Variants in ABHD17C observed in about 807,000 individuals in gnomAD.
ABHD17C encodes abhydrolase domain containing 17C, depalmitoylase, also known as alpha/beta hydrolase domain-containing protein 17C.
ABHD17C carries 11 observed loss-of-function variants against 27.9 expected under a neutral mutation model. That is an observed-to-expected ratio of 0.39 (90% CI 0.25 to 0.65). The LOEUF (loss-of-function observed/expected upper bound fraction) is 0.65, where lower values mean the gene tolerates loss of function less well. ABHD17C is among the 30% of genes least tolerant of loss of function. The pLI, the probability that ABHD17C is intolerant of heterozygous loss-of-function variation, is 0.45. For missense variants in ABHD17C, 280 were observed against 470.2 expected (o/e 0.60, Z 3.74); for synonymous variants, 233 against 209.1 (o/e 1.11, Z -0.98).
chr15:80,696,148 C>A, intron 1 of ABHD17C, 129 bp downstream of exon 1: 1 of 976,962 alleles, frequency 1.0e-6, no homozygotes, highest in Non-Finnish European at 1.5e-6. Context: ...AGCGGAGAGC[C>A]CCTTGGCCGC....
intron 1 of ABHD17C, among the ~76,000 whole-genome samples, chr15:80,737,686 G>A (rs978455599): frequency 3.9e-5 from 6 of 152,196 alleles, no homozygotes; most frequent in Admixed American, 2.0e-4. Flanking sequence ...TCTGTAGACT[G>A]GAGGAGTCAA....
intron 1 of ABHD17C, among the ~76,000 whole-genome samples, chr15:80,707,555 C>A (rs892349146): frequency 6.7e-6 from 1 of 150,316 alleles, no homozygotes; most frequent in African/African-American, 2.5e-5. Context: ...CTAGCAATAG[C>A]TGATGAGCCC....
chr15:80,723,653 G>A (rs970437915), intron 1 of ABHD17C, among the ~76,000 whole-genome samples: 1 of 152,210 alleles, frequency 6.6e-6, no homozygotes, highest in African/African-American at 2.4e-5. Flanking sequence ...ATTAGGTCAA[G>A]CGGATGTTTG....
chr15:80,736,286 G>C (rs1360595683), intron 1 of ABHD17C, among the ~76,000 whole-genome samples: 1 of 152,070 alleles, frequency 6.6e-6, no homozygotes, highest in East Asian at 1.9e-4. Context: ...TTTTTTGACA[G>C]TTCCTCAAAA....
chr15:80,701,177 G>A (rs1250378528), intron 1 of ABHD17C, among the ~76,000 whole-genome samples: 1 of 152,114 alleles, frequency 6.6e-6, no homozygotes, highest in Non-Finnish European at 1.5e-5. Flanking sequence ...TGGGACCCTT[G>A]AAAAACACCT....
chr15:80,711,945 G>A (rs1313884857), intron 1 of ABHD17C, among the ~76,000 whole-genome samples: 1 of 152,164 alleles, frequency 6.6e-6, no homozygotes, highest in Non-Finnish European at 1.5e-5. Flanking sequence ...ATTTATGAAG[G>A]AAGAAAAATG....
At chr15:80,701,505 C>A (rs951586308) in intron 1 of ABHD17C, among the ~76,000 whole-genome samples, 2 of 151,664 alleles carry the variant, frequency 1.3e-5, no homozygotes, top group Non-Finnish European at 2.9e-5. Flanking sequence ...ATGGTGAAAC[C>A]CCATCTCTAC....
chr15:80,750,175 C>T (rs1459487768), intron 2 of ABHD17C, among the ~76,000 whole-genome samples: 1 of 152,064 alleles, frequency 6.6e-6, no homozygotes, highest in East Asian at 1.9e-4. Flanking sequence ...GGAAAAGGTA[C>T]CATGCTCAGT....
intron 2 of ABHD17C, among the ~76,000 whole-genome samples, chr15:80,752,828 C>T (rs752485572): frequency 1.2e-4 from 19 of 152,322 alleles, no homozygotes; most frequent in Middle Eastern, 3.4e-3. Flanking sequence ...ACACCCAGCT[C>T]AACCAATGCT....
intron 1 of ABHD17C, among the ~76,000 whole-genome samples, chr15:80,739,330 A>G (rs1895174859): frequency 6.6e-6 from 1 of 152,162 alleles, no homozygotes; most frequent in African/African-American, 2.4e-5. Flanking sequence ...TGCCTTAGCT[A>G]CTGCCCTACA....
intron 1 of ABHD17C, among the ~76,000 whole-genome samples, chr15:80,726,203 G>A (rs571827183): frequency 2.8e-4 from 42 of 152,326 alleles, no homozygotes; most frequent in Middle Eastern, 3.4e-3. Context: ...GCCTTCAAGC[G>A]GTTTTCCACC....
chr15:80,746,738 T>C (rs1419194626), intron 1 of ABHD17C, among the ~76,000 whole-genome samples: 2 of 152,220 alleles, frequency 1.3e-5, no homozygotes. Flanking sequence ...GGCGCTTCCC[T>C]CTGCCTTGTC....
chr15:80,695,699 C>T lies in ABHD17C; in HGVS notation c.270C>T (p.His90=). 6 of 1,531,100 alleles carry T rather than the reference C, an allele frequency of 3.9e-6. No homozygotes were observed. Among genetic ancestry groups the T allele is most frequent in the Non-Finnish European group, 5.2e-6 (6 of 1,145,346 alleles). The allele number at this position is 1,531,100 out of a possible 1,614,324, so 94.8% of individuals were successfully genotyped here. A position where few individuals can be genotyped will look rare whatever the true frequency, so the allele number is the denominator to read the frequency against. ...CGGGGCCCGGTGCGTGCAGCCTGCACCTCAGCGAGCGCGCCGACTGGCAGT... is the reference window on the plus strand; with the variant it reads ...CGGGGCCCGGTGCGTGCAGCCTGCATCTCAGCGAGCGCGCCGACTGGCAGT... ...AGAGPGACSL[H]LSERADWQYS... Residue 90 remains histidine, a synonymous_variant, in exon 1 of 3, where the codon CAC becomes CAT. Transcript: ENST00000258884. The surrounding 1 kb of genome is among the most constrained non-coding windows in gnomAD (Gnocchi z 4.3).
intron 1 of ABHD17C, among the ~76,000 whole-genome samples, chr15:80,701,062 G>T (rs890709293): frequency 6.6e-6 from 1 of 152,174 alleles, no homozygotes; most frequent in Admixed American, 6.5e-5. Flanking sequence ...TTTTGAATAC[G>T]TAACTATGAT....
At chr15:80,753,958 T>TA (rs1308337867) in intron 2 of ABHD17C, among the ~76,000 whole-genome samples, 193 bp from the exon 3 acceptor site, 2 of 152,172 alleles carry the variant, frequency 1.3e-5, no homozygotes, top group Non-Finnish European at 2.9e-5. Context: ...TCCTCTCAGT[T>TA]ATGCTGTGAA....
chr15:80,695,540 G>A lies in ABHD17C; in HGVS notation c.111G>A (p.Pro37=), dbSNP rs1196310869. The A allele has an allele frequency of 1.5e-6, 2 of 1,359,366 alleles. No individual in the cohort carries two copies. Among genetic ancestry groups the A allele is most frequent in the South Asian group, 1.3e-5 (1 of 77,022 alleles). The allele number at this position is 1,359,366 out of a possible 1,614,324, so 84.2% of individuals were successfully genotyped here. ...TCGCCGCCAAGCTGGCCTTCCTGCC[G>A]CCCGAGCCCACCTACACGGTGCTGG... ...SRIAAKLAFL[P]PEPTYTVLAP... is the part of the protein sequence containing the mutation. Residue 37 remains proline (P), a synonymous_variant, in exon 1 of 3, where the codon CCG becomes CCA. Coordinates refer to ENST00000258884, the MANE Select transcript of ABHD17C (RefSeq NM_021214.2). The surrounding 1 kb of genome is among the most constrained non-coding windows in gnomAD (Gnocchi z 4.3).
At chr15:80,701,453 C>A (rs541413391) in intron 1 of ABHD17C, among the ~76,000 whole-genome samples, 1 of 151,920 alleles carries the variant, frequency 6.6e-6, no homozygotes, top group Non-Finnish European at 1.5e-5. Context: ...CTGAGACGGG[C>A]GGATCATTTG....
chr15:80,707,489 C>T (rs1359391785), intron 1 of ABHD17C, among the ~76,000 whole-genome samples: 2 of 152,048 alleles, frequency 1.3e-5, no homozygotes, highest in African/African-American at 4.8e-5. Flanking sequence ...CTTTTGGCTT[C>T]CCTGGGCCAC....
At chr15:80,747,594 C>G (rs1398917684) in intron 1 of ABHD17C, among the ~76,000 whole-genome samples, 1 of 152,132 alleles carries the variant, frequency 6.6e-6, no homozygotes, top group Non-Finnish European at 1.5e-5. Flanking sequence ...CAGTTGTTTC[C>G]TCAAACCTCC....
Sources: allele counts gnomAD v4.1 joint callset (sites outside exome capture counted in the v4.1 genomes callset), GRCh38; gene constraint gnomAD v4.1.1; non-coding constraint Gnocchi (gnomAD v3.1); transcripts MANE v1.5; gene names NCBI Gene and HGNC (gene_info 2026-07-23, HGNC 2026-07-21).